The following IL1RL2 variants were observed in gnomAD, a reference collection of about 807,000 sequenced individuals.
IL1RL2 encodes the protein interleukin 1 receptor like 2.
Under a neutral mutation model 66.8 loss-of-function variants are expected in IL1RL2, and 68 were observed. The observed-to-expected ratio is 1.02, with a 90% CI of 0.84 to 1.25. The LOEUF is 1.25. Among genes scored for constraint, IL1RL2 ranks in the 50% most tolerant of loss-of-function variants. The pLI is 0.00. For synonymous variants in IL1RL2, 305 were observed against 264.6 expected (o/e 1.15, Z -1.48); for missense variants, 729 against 709.3 (o/e 1.03, Z -0.32).
chr2:102,226,134 C>A lies in IL1RL2; in HGVS notation c.1135+93C>A, dbSNP rs34508377. The A allele has an allele frequency of 1.8e-5, 19 of 1,078,384 alleles. No individual in the cohort carries two copies. In the African/African-American group the frequency reaches 2.8e-4, roughly 16 times the overall value. 66.8% of individuals were successfully genotyped at this position (1,078,384 alleles called of 1,614,324 possible). A position where few individuals can be genotyped will look rare whatever the true frequency, so the allele number is the denominator to read the frequency against. The stretch of plus-strand genomic sequence containing the variant: ...AAATATACTTTGTCATATTTTACTA[C>A]GTTGTTGGCAAATTTAGGGAAAGGA... On this transcript the variant is annotated intron_variant, in intron 9 of 11. Coordinates refer to ENST00000264257, the MANE Select transcript of IL1RL2 (RefSeq NM_003854.4).
chr2:102,195,639 CTCTCTCTCTTTCTT>C lies in IL1RL2; in HGVS notation c.489+3523_489+3536del, dbSNP rs1284740528. On this transcript the variant is annotated intron_variant, in intron 4 of 11. Coordinates refer to ENST00000264257, the MANE Select transcript of IL1RL2 (RefSeq NM_003854.4). The stretch of plus-strand genomic sequence containing the variant: ...TTTCTTTCTTTCTTTCTCTCTCTCT[CTCTCTCTCTTTCTT>C]TCTTTCTTTCTTTCTTTCTTTCTTT... 1.8e-3 allele frequency among the ~76,000 whole-genome samples: 56 copies of C among 31,888 alleles called. 4 individuals are homozygous for C. The highest frequency in any genetic ancestry group is 6.5e-3 in the South Asian group (3 of 460). The allele number at this position is 31,888 out of a possible 152,430, so 20.9% of individuals were successfully genotyped here.
At chr2:102,209,926 A>G (rs1689016182) in intron 5 of IL1RL2, among the ~76,000 whole-genome samples, 1 of 152,200 alleles carries the variant, frequency 6.6e-6, no homozygotes, top group Admixed American at 6.5e-5. Context: ...CAGAGAGAAC[A>G]TGGTGGTGAA....
chr2:102,219,079 T>C lies in IL1RL2; in HGVS notation c.851T>C (p.Val284Ala). The change falls in exon 7 of 12, where the codon GTG becomes GCG. Residue 284 changes from valine (V) to alanine (A), a missense_variant. Coordinates refer to ENST00000264257, the MANE Select transcript of IL1RL2 (RefSeq NM_003854.4). The part of the protein sequence containing the change: ...YDESKRIREG[V>A]ETHVSFREHN... ...GAATCCAAACGAATCAGAGAAGGGG[T>C]GGAGTAGGTGTTTTGCTTTTTTGAC... 1 of 1,613,666 alleles carries C rather than the reference T, an allele frequency of 6.2e-7. No homozygotes were observed. The highest frequency in any genetic ancestry group is 8.5e-7 in the Non-Finnish European group (1 of 1,179,732).
intron 5 of IL1RL2, among the ~76,000 whole-genome samples, chr2:102,206,579 C>G (rs1688722188): frequency 6.6e-6 from 1 of 152,224 alleles, no homozygotes; most frequent in East Asian, 1.9e-4. Flanking sequence ...TTCTCCCAAA[C>G]AAACAGAGTC....
intron 4 of IL1RL2, among the ~76,000 whole-genome samples, chr2:102,194,557 C>T (rs2104723593): frequency 7.2e-6 from 1 of 138,676 alleles, no homozygotes; most frequent in Middle Eastern, 3.6e-3. Context: ...TTATTTATGC[C>T]CCTATACCTG....
chr2:102,238,779 T>C (rs753617986), intron 11 of IL1RL2, among the ~76,000 whole-genome samples: 2 of 152,028 alleles, frequency 1.3e-5, no homozygotes, highest in Non-Finnish European at 2.9e-5. Flanking sequence ...TCTCCAGTAG[T>C]AATATTATTC....
chr2:102,239,253 C>A lies in IL1RL2; in HGVS notation c.*12C>A. On this transcript the variant is annotated 3_prime_UTR_variant, in exon 12 of 12. Coordinates refer to ENST00000264257, the MANE Select transcript of IL1RL2 (RefSeq NM_003854.4). ...TCACGACTGGCTAAGACTTGCTGGA[C>A]TGACACCTATGGCTGGAAGATGACT... is the stretch of plus-strand genomic sequence containing the variant. The A allele has an allele frequency of 6.2e-7, 1 of 1,612,944 alleles. No individual in the cohort carries two copies. Among genetic ancestry groups the A allele is most frequent in the Non-Finnish European group, 8.5e-7 (1 of 1,178,904 alleles).
chr2:102,200,173 C>T (rs1469028706), intron 4 of IL1RL2, among the ~76,000 whole-genome samples: 5 of 144,618 alleles, frequency 3.5e-5, no homozygotes, highest in Non-Finnish European at 7.6e-5. Context: ...GGAGACATCA[C>T]AATATCAGAG....
At chr2:102,236,947 C>A (rs1242492738) in intron 11 of IL1RL2, among the ~76,000 whole-genome samples, 1 of 152,246 alleles carries the variant, frequency 6.6e-6, no homozygotes, top group Non-Finnish European at 1.5e-5. Flanking sequence ...ACCAACAGTG[C>A]TGGTCTCCGG....
intron 11 of IL1RL2, among the ~76,000 whole-genome samples, chr2:102,236,968 G>A (rs964148618): frequency 2.0e-5 from 3 of 152,178 alleles, no homozygotes; most frequent in Non-Finnish European, 2.9e-5. Context: ...GAAGTCAGAG[G>A]TTTCCAGAAA....
intron 6 of IL1RL2, among the ~76,000 whole-genome samples, chr2:102,215,878 T>C (rs1316868775): frequency 6.6e-6 from 1 of 152,188 alleles, no homozygotes; most frequent in East Asian, 1.9e-4. Context: ...AAAGTCTTTC[T>C]CTAATAAAGC....
intron 1 of IL1RL2, chr2:102,187,383 G>C: frequency 8.7e-7 from 1 of 1,151,910 alleles, no homozygotes; most frequent in African/African-American, 1.6e-5. Context: ...CGGGTGTTTG[G>C]GGTTTCTGTT....
In IL1RL2 at chr2:102,208,603, G is replaced by A. The variant is rs148020709; in HGVS notation, c.650-3497G>A. On this transcript the variant is annotated intron_variant, in intron 5 of 11. Transcript: ENST00000264257. ...TCACTAGTTTCCATCACACTTCAGA[G>A]TACTAGGGGAGACTGAGCTATTTCT... 7.6e-3 allele frequency among the ~76,000 whole-genome samples: 1,161 copies of A among 152,326 alleles called. 11 individuals are homozygous for A. Among genetic ancestry groups the A allele is most frequent in the Non-Finnish European group, 0.01 (681 of 68,024 alleles).
intron 10 of IL1RL2, 94 bp downstream of exon 10, chr2:102,233,218 C>A: frequency 8.2e-7 from 1 of 1,217,732 alleles, no homozygotes; most frequent in Non-Finnish European, 1.2e-6. Flanking sequence ...CTCTGCCTGC[C>A]TTCCCCATGG....
chr2:102,235,824 A>G (rs1674829880), intron 11 of IL1RL2: 1 of 985,406 alleles, frequency 1.0e-6, no homozygotes, highest in Non-Finnish European at 1.2e-6. Context: ...AGAGCTGCAA[A>G]CACAGCCTTA....
At chr2:102,238,607 A>G (rs1434452347) in intron 11 of IL1RL2, among the ~76,000 whole-genome samples, 1 of 151,990 alleles carries the variant, frequency 6.6e-6, no homozygotes, top group Non-Finnish European at 1.5e-5. Flanking sequence ...CCTCTAACAC[A>G]TGCTTGTTTG....
chr2:102,237,146 C>G (rs1674955851), intron 11 of IL1RL2, among the ~76,000 whole-genome samples: 1 of 152,234 alleles, frequency 6.6e-6, no homozygotes, highest in Non-Finnish European at 1.5e-5. Context: ...CTCCCACTCT[C>G]CCCACACTGT....
Position 102,239,807 on chromosome 2 carries a change from T to TG in IL1RL2, c.*572dup, listed in dbSNP as rs1292063954. 6.5e-6 allele frequency: 1 copy of TG among 154,460 alleles called. No homozygotes were observed. Among genetic ancestry groups the TG allele is most frequent in the Non-Finnish European group, 1.4e-5 (1 of 69,942 alleles). The allele number at this position is 154,460 out of a possible 1,614,324, so 9.6% of individuals were successfully genotyped here. ...ATCACCTGTCATGGTGGGTGAGAGCTGGGGGGATCACCTGTCATGGTGGGT... is the reference window on the plus strand; with the variant it reads ...ATCACCTGTCATGGTGGGTGAGAGCTGGGGGGGATCACCTGTCATGGTGGGT... On this transcript the variant is annotated 3_prime_UTR_variant, in exon 12 of 12. Transcript: ENST00000264257.
chr2:102,205,885 C>T (rs1401416349), intron 5 of IL1RL2, among the ~76,000 whole-genome samples: 1 of 152,146 alleles, frequency 6.6e-6, no homozygotes, highest in Non-Finnish European at 1.5e-5. Context: ...CCTTTTGAGG[C>T]TATCTTCTAG....
Sources: allele counts gnomAD v4.1 joint callset (sites outside exome capture counted in the v4.1 genomes callset), GRCh38; gene constraint gnomAD v4.1.1; transcripts MANE v1.5; gene names NCBI Gene and HGNC (gene_info 2026-07-23, HGNC 2026-07-21).